Variants in USP4 observed in about 807,000 individuals in gnomAD.
USP4 encodes ubiquitin carboxyl-terminal hydrolase 4.
A neutral mutation model predicts 118.2 loss-of-function variants in USP4; 72 were observed. The ratio of observed to expected loss-of-function variants is 0.61; its 90% CI spans 0.50 to 0.74. The LOEUF is 0.74. Among genes scored for constraint, USP4 ranks in the 30% least tolerant of loss-of-function variants. The pLI is 0.00. For missense variants in USP4, 1,037 were observed against 1,185.7 expected (o/e 0.87, Z 1.84); for synonymous variants, 415 against 440.4 (o/e 0.94, Z 0.72).
Position 49,280,765 on chromosome 3 carries a change from CA to C in USP4, c.2622del (p.Tyr874Ter). 6.2e-7 allele frequency: 1 copy of C among 1,614,066 alleles called. No individual in the cohort carries two copies. Among genetic ancestry groups the C allele is most frequent in the Non-Finnish European group, 8.5e-7 (1 of 1,179,970 alleles). ...VYDLIAVSNHYGAMGVGHYTA... is the reference protein window; with the variant it reads ...VYDLIAVSNHXGAMGVGHYTA... ...TTACAGTGGCCAACCCCCATGGCTC[CA>C]TAATGATTGGACACGGCAATGAGGT... is the stretch of plus-strand genomic sequence containing the variant. On this transcript the variant is annotated frameshift_variant, in exon 20 of 22. Coordinates refer to ENST00000265560, the MANE Select transcript of USP4 (RefSeq NM_003363.4). LOFTEE classifies it high-confidence loss of function.
rs767962720 is a variant in USP4 at position 49,327,820 on chromosome 3, A to G, written c.230-4T>C. The G allele has an allele frequency of 4.3e-6, 7 of 1,613,528 alleles. No homozygotes were observed. The highest frequency in any genetic ancestry group is 5.9e-6 in the Non-Finnish European group (7 of 1,179,478). On this transcript the variant is annotated splice_region_variant and splice_polypyrimidine_tract_variant and intron_variant, in intron 2 of 21. Transcript: ENST00000265560. ...TTCAAGGTCTGACTCTCAGGATCTA[A>G]AAAAGGAAAAGAGCACATAAGTCAC...
intron 3 of USP4, 117 bp from the exon 4 acceptor site, chr3:49,325,962 T>C: frequency 1.6e-6 from 2 of 1,278,382 alleles, no homozygotes; most frequent in Non-Finnish European, 2.2e-6. Flanking sequence ...TTTCCTTTAC[T>C]GATCAAGGGA....
rs770247467 is a variant in USP4, at chr3:49,304,755, T to TTTG, written c.1128+957_1128+959dup. Among the ~76,000 whole-genome samples, 186 of 150,890 alleles carry TTTG rather than the reference T, an allele frequency of 1.2e-3. No homozygotes were observed. The East Asian group carries it at 0.014, about 11-fold the overall frequency. On this transcript the variant is annotated intron_variant, in intron 9 of 21. Transcript: ENST00000265560. ...AGGTACATCACCATGTCCAGCTAATTTTGTTGTTGTTGTTGTTGTTGTTGT... is the reference window on the plus strand; with the variant it reads ...AGGTACATCACCATGTCCAGCTAATTTTGTTGTTGTTGTTGTTGTTGTTGTTGT...
intron 11 of USP4, 41 bp from the exon 12 acceptor site, chr3:49,298,676 A>C: frequency 1.3e-6 from 2 of 1,575,370 alleles, no homozygotes; most frequent in Non-Finnish European, 1.7e-6. Flanking sequence ...GGTGCCCCAC[A>C]AAGGGTGCGA....
At chr3:49,299,564 T>C (rs1204475443) in intron 11 of USP4, among the ~76,000 whole-genome samples, 1 of 151,252 alleles carries the variant, frequency 6.6e-6, no homozygotes, top group Non-Finnish European at 1.5e-5. Flanking sequence ...GGCTAATTTT[T>C]TGTATTTTTA....
chr3:49,299,484 C>G (rs2107778614), intron 11 of USP4, among the ~76,000 whole-genome samples: 1 of 152,090 alleles, frequency 6.6e-6, no homozygotes, highest in South Asian at 2.1e-4. Context: ...GCTCCGCCTC[C>G]CGGGTTCACG....
intron 1 of USP4, among the ~76,000 whole-genome samples, chr3:49,336,864 C>A (rs1211061937): frequency 6.6e-6 from 1 of 152,084 alleles, no homozygotes; most frequent in African/African-American, 2.4e-5. Context: ...AAGTCCCACT[C>A]CAGGCAGACA....
chr3:49,288,946 C>CA (rs11426284), intron 15 of USP4, among the ~76,000 whole-genome samples: 2,148 of 151,608 alleles, frequency 0.014, 55 homozygotes, highest in African/African-American at 0.048. Context: ...CCTGTCTCTA[C>CA]AAAAAAAAGA....
At position 49,302,392 on chromosome 3, in the gene USP4, G is replaced by T; in HGVS notation, c.1279C>A (p.Pro427Thr). 1 of 1,613,434 alleles carries T rather than the reference G, an allele frequency of 6.2e-7. No individual in the cohort carries two copies. The highest frequency in any genetic ancestry group is 1.3e-5 in the African/African-American group (1 of 74,966). The change falls in exon 10 of 22, where the codon CCA becomes ACA. Residue 427 changes from proline to threonine, a missense_variant. Coordinates refer to ENST00000265560, the MANE Select transcript of USP4 (RefSeq NM_003363.4). ...CATCATTAATGGCATACCGCATCTG[G>T]CCGCCCATTGGCATCCTTCAGCTCC... ...YLELKDANGR[P>T]DAVVAKEAWE...
At chr3:49,315,659 C>G (rs1367260593) in intron 6 of USP4, among the ~76,000 whole-genome samples, 1 of 152,168 alleles carries the variant, frequency 6.6e-6, no homozygotes, top group African/African-American at 2.4e-5. Flanking sequence ...TGTAGTCAAG[C>G]CTCTGGACTC....
At chr3:49,305,466 C>T (rs1013354427) in intron 9 of USP4, among the ~76,000 whole-genome samples, 2 of 151,044 alleles carry the variant, frequency 1.3e-5, no homozygotes, top group African/African-American at 2.4e-5. Flanking sequence ...AAAGGAAGTA[C>T]GGGAGAGTAT....
At chr3:49,308,230 C>T (rs1002752437) in intron 8 of USP4, among the ~76,000 whole-genome samples, 23 of 152,208 alleles carry the variant, frequency 1.5e-4, no homozygotes, top group African/African-American at 5.3e-4. Context: ...GGGCTAGCCA[C>T]TCCAGAAAAA....
At chr3:49,293,627 T>C (rs9883409) in intron 14 of USP4, 27,934 of 151,118 alleles carry the variant, frequency 0.18, 2,833 homozygotes, top group African/African-American at 0.25. Flanking sequence ...GCCGAGATCG[T>C]GCCACTGCAT....
At chr3:49,288,606 C>T (rs1317019354) in intron 15 of USP4, among the ~76,000 whole-genome samples, 1 of 151,930 alleles carries the variant, frequency 6.6e-6, no homozygotes, top group African/African-American at 2.4e-5. Context: ...ACCTGGGAGG[C>T]GGAGGTTGCA....
chr3:49,318,260 G>A (rs1256902519), intron 6 of USP4: 2 of 938,714 alleles, frequency 2.1e-6, no homozygotes, highest in Non-Finnish European at 2.5e-6. Flanking sequence ...TGAGCCACCA[G>A]TGCCCAGCTA....
chr3:49,284,260 A>T, intron 18 of USP4, 124 bp from the exon 19 acceptor site: 1 of 1,342,630 alleles, frequency 7.4e-7, no homozygotes. Context: ...ACTCAACACT[A>T]CTGCTTCTGG....
chr3:49,280,925 G>T, intron 19 of USP4, 78 bp from the exon 20 acceptor site: 1 of 1,178,104 alleles, frequency 8.5e-7, no homozygotes, highest in Non-Finnish European at 1.2e-6. Flanking sequence ...AGCAACCTCT[G>T]TTATGCAACA....
intron 16 of USP4, among the ~76,000 whole-genome samples, chr3:49,285,330 G>A (rs990980794): frequency 7.2e-5 from 11 of 152,130 alleles, no homozygotes; most frequent in South Asian, 2.1e-4. Context: ...CCCCTACATC[G>A]CCCTAGCTTA....
intron 11 of USP4, 104 bp from the exon 12 acceptor site, chr3:49,298,739 C>T (rs1382002609): frequency 2.0e-6 from 2 of 993,600 alleles, no homozygotes; most frequent in East Asian, 4.8e-5. Context: ...CTTCTAGAAA[C>T]AATGTATGGT....
Sources: gnomAD v4.1 joint callset for allele counts (sites outside exome capture counted in the v4.1 genomes callset) on GRCh38, gnomAD v4.1.1 for gene constraint, MANE v1.5 for transcripts, NCBI Gene and HGNC (gene_info 2026-07-23, HGNC 2026-07-21) for gene names.